PCDH15: variants seen among roughly 807,000 people sequenced by gnomAD.
PCDH15 encodes the protein protocadherin-15.
Under a neutral mutation model 178.5 loss-of-function variants are expected in PCDH15, and 129 were observed. The observed-to-expected ratio is 0.72, with a 90% CI of 0.63 to 0.84. PCDH15 has a LOEUF of 0.84. Among genes scored for constraint, PCDH15 ranks in the 40% least tolerant of loss-of-function variants. PCDH15 has a pLI of 0.00. For synonymous variants in PCDH15, 800 were observed against 732.0 expected (o/e 1.09, Z -1.50); for missense variants, 2,230 against 2,099.9 (o/e 1.06, Z -1.21).
intron 2 of PCDH15, among the ~76,000 whole-genome samples, chr10:55,509,794 G>A (rs779120441): frequency 5.3e-5 from 8 of 151,710 alleles, no homozygotes; most frequent in East Asian, 1.9e-4. Context: ...TAAGTTATAC[G>A]TCAGCAACAA....
chr10:55,076,869 A>G (rs1378292021), intron 2 of PCDH15, among the ~76,000 whole-genome samples: 1 of 149,520 alleles, frequency 6.7e-6, no homozygotes, highest in Middle Eastern at 3.2e-3. Flanking sequence ...CCTTGGTTCA[A>G]GCGATTCTCC....
At chr10:55,292,139 A>G (rs1843023346) in intron 1 of PCDH15, among the ~76,000 whole-genome samples, 1 of 152,158 alleles carries the variant, frequency 6.6e-6, no homozygotes, top group South Asian at 2.1e-4. Flanking sequence ...AACTCATTTC[A>G]GCATTAACTC....
chr10:55,003,975 G>A (rs1839861696), intron 2 of PCDH15, among the ~76,000 whole-genome samples: 1 of 152,210 alleles, frequency 6.6e-6, no homozygotes, highest in African/African-American at 2.4e-5. Context: ...GGAGGCCTTT[G>A]GAGGCCAAGT....
chr10:54,947,603 GTGTGTGTGTGCACA>G (rs1838226384), intron 2 of PCDH15, among the ~76,000 whole-genome samples: 1 of 151,692 alleles, frequency 6.6e-6, no homozygotes, highest in Admixed American at 6.6e-5. Flanking sequence ...GTCTATATAT[GTGTGTGTGTGCACA>G]TGTGTGTGTA....
chr10:53,954,231 G>T (rs2087383992), intron 23 of PCDH15, among the ~76,000 whole-genome samples: 1 of 152,116 alleles, frequency 6.6e-6, no homozygotes, highest in African/African-American at 2.4e-5. Flanking sequence ...AACTTCACAG[G>T]CAAACCAGTA....
At chr10:55,301,466 A>C (rs1412598734) in intron 1 of PCDH15, among the ~76,000 whole-genome samples, 2 of 151,794 alleles carry the variant, frequency 1.3e-5, no homozygotes, top group African/African-American at 4.8e-5. Context: ...TCTTTTTTAA[A>C]GTTGCACATT....
intron 28 of PCDH15, among the ~76,000 whole-genome samples, chr10:53,853,214 A>G (rs571129604): frequency 6.6e-6 from 1 of 152,016 alleles, no homozygotes; most frequent in South Asian, 2.1e-4. Flanking sequence ...GAATATCCAT[A>G]TGTAAAAAAA....
At chr10:55,216,662 A>T (rs1840712081) in intron 1 of PCDH15, among the ~76,000 whole-genome samples, 1 of 151,924 alleles carries the variant, frequency 6.6e-6, no homozygotes, top group Non-Finnish European at 1.5e-5. Flanking sequence ...TTGATTTAAT[A>T]ATTATAAAAT....
At chr10:54,182,774 T>A (rs1054213017) in intron 13 of PCDH15, among the ~76,000 whole-genome samples, 1 of 152,138 alleles carries the variant, frequency 6.6e-6, no homozygotes, top group East Asian at 1.9e-4. Flanking sequence ...AATCAATTTC[T>A]ACAGTAGTGA....
chr10:54,633,242 A>T (rs375267562), intron 2 of PCDH15, among the ~76,000 whole-genome samples: 1 of 152,096 alleles, frequency 6.6e-6, no homozygotes, highest in East Asian at 1.9e-4. Flanking sequence ...TTAAAGAGTA[A>T]AGGGGCATCC....
rs369212239 is a variant in PCDH15, at chr10:54,183,306, A to G, written c.1590+138T>C. 175 of 869,594 alleles carry G rather than the reference A, an allele frequency of 2.0e-4. 4 individuals carry two copies. In the South Asian group the frequency reaches 2.5e-3, roughly 12 times the overall value. 53.9% of individuals were successfully genotyped at this position (869,594 alleles called of 1,614,324 possible). On this transcript the variant is annotated intron_variant, in intron 13 of 37. Transcript: ENST00000644397. ...TATTTGAAAAGTAACAGAAATTTAA[A>G]GCTATTTAAACTAATTATGCTATAC... is the stretch of plus-strand genomic sequence containing the variant.
intron 1 of PCDH15, among the ~76,000 whole-genome samples, chr10:55,263,137 CTGT>C (rs1468701497): frequency 2.6e-5 from 4 of 152,142 alleles, no homozygotes; most frequent in African/African-American, 9.7e-5. Context: ...GAATCAGTCT[CTGT>C]TGTAAAACCC....
chr10:54,738,233 T>G (rs1256241187), intron 1 of PCDH15, among the ~76,000 whole-genome samples: 6 of 152,080 alleles, frequency 3.9e-5, no homozygotes, highest in African/African-American at 1.4e-4. Context: ...AATGTATAGC[T>G]TGATTTAGGT....
chr10:54,481,852 T>C (rs527477475), intron 3 of PCDH15, among the ~76,000 whole-genome samples: 5 of 151,982 alleles, frequency 3.3e-5, no homozygotes, highest in South Asian at 4.1e-4. Context: ...CAGTGAGTAA[T>C]GGTACTTCCA....
intron 2 of PCDH15, among the ~76,000 whole-genome samples, chr10:55,088,279 T>C (rs1842226892): frequency 6.6e-6 from 1 of 152,032 alleles, no homozygotes; most frequent in Non-Finnish European, 1.5e-5. Context: ...AGCATGTTTT[T>C]TTTTTTTGAG....
rs536610050 is a variant in PCDH15 at position 55,258,081 on chromosome 10, G to C, written c.-156+61518C>G. ...ATCATGCTGCCCACAATATGCTATAGAAGATTAGCAGTTAAAGTTGGACAG... is the reference window on the plus strand; with the variant it reads ...ATCATGCTGCCCACAATATGCTATACAAGATTAGCAGTTAAAGTTGGACAG... On this transcript the variant is annotated intron_variant, in intron 1 of 5. Transcript: ENST00000458638. 3.5e-4 allele frequency among the ~76,000 whole-genome samples: 54 copies of C among 152,264 alleles called. No individual in the cohort carries two copies. The South Asian group carries it at 0.011, about 31-fold the overall frequency.
At chr10:54,575,496 T>C (rs1476922257) in intron 2 of PCDH15, among the ~76,000 whole-genome samples, 1 of 152,164 alleles carries the variant, frequency 6.6e-6, no homozygotes, top group Non-Finnish European at 1.5e-5. Context: ...AATTGTATTG[T>C]ACTCATGATG....
intron 5 of PCDH15, among the ~76,000 whole-genome samples, chr10:54,366,729 G>T (rs1197510701): frequency 3.4e-5 from 5 of 149,176 alleles, no homozygotes; most frequent in African/African-American, 9.9e-5. Flanking sequence ...TTTTTTTCAA[G>T]AAAGTAAATA....
intron 2 of PCDH15, among the ~76,000 whole-genome samples, chr10:55,559,050 T>C (rs1842143241): frequency 1.3e-5 from 2 of 152,194 alleles, no homozygotes; most frequent in Admixed American, 1.3e-4. Flanking sequence ...CTATCCAGAC[T>C]CTATAACCAT....
Sources: allele counts gnomAD v4.1 joint callset (sites outside exome capture counted in the v4.1 genomes callset), GRCh38; gene constraint gnomAD v4.1.1; transcripts MANE v1.5; gene names NCBI Gene and HGNC (gene_info 2026-07-23, HGNC 2026-07-21).